The following TBC1D22A variants were observed in gnomAD, a reference collection of about 807,000 sequenced individuals.
TBC1D22A encodes the protein TBC1 domain family member 22A, also known as putative GTPase activator.
A neutral mutation model predicts 60.2 loss-of-function variants in TBC1D22A; 38 were observed. That is an observed-to-expected ratio of 0.63 (90% CI 0.49 to 0.83). The LOEUF is 0.83. TBC1D22A is among the 40% of genes least tolerant of loss of function. TBC1D22A has a pLI of 0.00. For missense variants in TBC1D22A, 628 were observed against 701.0 expected (o/e 0.90, Z 1.18); for synonymous variants, 302 against 281.7 (o/e 1.07, Z -0.72).
At chr22:46,897,650 G>GTTTTTTTTT (rs1569189591) in intron 7 of TBC1D22A, among the ~76,000 whole-genome samples, 16 of 92,610 alleles carry the variant, frequency 1.7e-4, no homozygotes, top group African/African-American at 7.0e-4. Flanking sequence ...GTTTTTTTTT[G>GTTTTTTTTT]TGTTTTTTTT....
chr22:46,904,131 CTATCTAT>C, intron 7 of TBC1D22A, among the ~76,000 whole-genome samples: 2 of 108,406 alleles, frequency 1.8e-5, no homozygotes, highest in Non-Finnish European at 3.7e-5. Context: ...ATCTATCTAT[CTATCTAT>C]CTATCTACCT....
Position 47,009,389 on chromosome 22 carries a change from A to ACCATCATTT in TBC1D22A, c.1201+11688_1201+11696dup. Among the ~76,000 whole-genome samples, 1 of 150,688 alleles carries ACCATCATTT rather than the reference A, an allele frequency of 6.6e-6. No homozygotes were observed. The highest frequency in any genetic ancestry group is 2.1e-4 in the South Asian group (1 of 4,718). ...TCACCATCATCATTTCATCACCATC[A>ACCATCATTT]CCATCATTTCCATCATCACCATCAT... On this transcript the variant is annotated intron_variant, in intron 10 of 12. Coordinates refer to ENST00000337137, the MANE Select transcript of TBC1D22A (RefSeq NM_014346.5). This position sits in a 1 kb window ranked among gnomAD's most constrained non-coding sequence, Gnocchi z 5.8.
At chr22:46,939,839 C>A (rs2071878635) in intron 8 of TBC1D22A, among the ~76,000 whole-genome samples, 1 of 152,156 alleles carries the variant, frequency 6.6e-6, no homozygotes, top group Non-Finnish European at 1.5e-5. Flanking sequence ...AAGAAGAACC[C>A]AAAGCAGTGA....
At chr22:46,984,543 A>G (rs375669531) in intron 9 of TBC1D22A, among the ~76,000 whole-genome samples, 1 of 152,088 alleles carries the variant, frequency 6.6e-6, no homozygotes, top group African/African-American at 2.4e-5. Flanking sequence ...TACAGCTTCC[A>G]TATTTGCCTA....
chr22:46,907,990 C>T (rs531344089), intron 7 of TBC1D22A, among the ~76,000 whole-genome samples: 12 of 152,328 alleles, frequency 7.9e-5, no homozygotes, highest in African/African-American at 2.9e-4. Flanking sequence ...AGAGAGCACC[C>T]ATTGCCGGCG....
At chr22:47,156,291 G>T (rs1051392259) in intron 12 of TBC1D22A, among the ~76,000 whole-genome samples, 7 of 152,204 alleles carry the variant, frequency 4.6e-5, no homozygotes, top group African/African-American at 1.7e-4. Context: ...CTAAGTTTCA[G>T]GGCCAAGTAG....
intron 9 of TBC1D22A, among the ~76,000 whole-genome samples, chr22:46,984,510 C>T (rs879068787): frequency 6.7e-6 from 1 of 148,950 alleles, no homozygotes; most frequent in Admixed American, 6.8e-5. Flanking sequence ...CCAAGGTTGT[C>T]GGTTCGCTAT....
chr22:47,106,418 T>C (rs976566539), intron 11 of TBC1D22A, among the ~76,000 whole-genome samples: 1 of 152,206 alleles, frequency 6.6e-6, no homozygotes, highest in African/African-American at 2.4e-5. Context: ...GAAAGTTAGA[T>C]TGCTTATGAA....
At chr22:47,066,058 A>T (rs2063763813) in intron 11 of TBC1D22A, among the ~76,000 whole-genome samples, 1 of 152,328 alleles carries the variant, frequency 6.6e-6, no homozygotes, top group Non-Finnish European at 1.5e-5. Flanking sequence ...GGAAAGAAAC[A>T]CATTTATCGA....
chr22:46,892,060 G>C (rs936504197), intron 6 of TBC1D22A, among the ~76,000 whole-genome samples: 1 of 152,190 alleles, frequency 6.6e-6, no homozygotes, highest in Non-Finnish European at 1.5e-5. Flanking sequence ...TTTGCTGTTA[G>C]AATAGCTCTT....
chr22:47,115,676 C>T (rs752114759), intron 12 of TBC1D22A, among the ~76,000 whole-genome samples: 1 of 152,198 alleles, frequency 6.6e-6, no homozygotes, highest in Non-Finnish European at 1.5e-5. Flanking sequence ...CCGCTGTCCC[C>T]TCTGTTAGGA....
At chr22:46,947,381 A>G (rs979101628) in intron 8 of TBC1D22A, among the ~76,000 whole-genome samples, 2 of 152,164 alleles carry the variant, frequency 1.3e-5, no homozygotes, top group Non-Finnish European at 2.9e-5. Context: ...CCCAGGCCAC[A>G]TGGGGCTCAG....
intron 7 of TBC1D22A, among the ~76,000 whole-genome samples, chr22:46,901,710 G>A (rs1181449844): frequency 7.7e-5 from 1 of 12,988 alleles, no homozygotes; most frequent in Non-Finnish European, 1.8e-4. Context: ...AACTCACATG[G>A]GGGGGGGATG....
intron 11 of TBC1D22A, among the ~76,000 whole-genome samples, chr22:47,098,524 C>G (rs2065275866): frequency 6.6e-6 from 1 of 152,226 alleles, no homozygotes; most frequent in African/African-American, 2.4e-5. Context: ...CCCCATGCAC[C>G]AGGCTGCCCT....
chr22:47,058,216 T>C lies in TBC1D22A; in HGVS notation c.1329+21018T>C, dbSNP rs2063460255. Among the ~76,000 whole-genome samples, 3 of 152,288 alleles carry C rather than the reference T, an allele frequency of 2.0e-5. No homozygotes were observed. The South Asian group carries it at 6.2e-4, about 32-fold the overall frequency. On this transcript the variant is annotated intron_variant, in intron 11 of 12. Coordinates refer to ENST00000337137, the MANE Select transcript of TBC1D22A (RefSeq NM_014346.5). ...TGGAGCTCCCTGCCCTTAGTGGGTCTTTGTGTCTCAAAGGTGGCTCTGAGG... is the reference window on the plus strand; with the variant it reads ...TGGAGCTCCCTGCCCTTAGTGGGTCCTTGTGTCTCAAAGGTGGCTCTGAGG...
At chr22:46,986,194 T>C (rs1180784460) in intron 9 of TBC1D22A, among the ~76,000 whole-genome samples, 1 of 152,222 alleles carries the variant, frequency 6.6e-6, no homozygotes, top group Non-Finnish European at 1.5e-5. Flanking sequence ...TGCTGAAAAT[T>C]AGATGATTGT....
chr22:47,123,582 T>C (rs750285934), intron 12 of TBC1D22A, among the ~76,000 whole-genome samples: 9 of 152,220 alleles, frequency 5.9e-5, no homozygotes, highest in Non-Finnish European at 1.0e-4. Flanking sequence ...CAGTGGGCCA[T>C]GTCTCTGTCA....
At chr22:47,117,789 A>C (rs73477496) in intron 12 of TBC1D22A, among the ~76,000 whole-genome samples, 5,676 of 152,280 alleles carry the variant, frequency 0.037, 351 homozygotes, top group African/African-American at 0.13. Context: ...TCAGTGAAGC[A>C]ACCATAGGAG....
intron 1 of TBC1D22A, among the ~76,000 whole-genome samples, chr22:46,783,372 C>A (rs1297575686): frequency 6.6e-6 from 1 of 152,228 alleles, no homozygotes; most frequent in Non-Finnish European, 1.5e-5. Flanking sequence ...CTCACCTTCA[C>A]AGAGCCAGAG....
Sources: allele counts gnomAD v4.1 joint callset (sites outside exome capture counted in the v4.1 genomes callset), GRCh38; gene constraint gnomAD v4.1.1; non-coding constraint Gnocchi (gnomAD v3.1); transcripts MANE v1.5; gene names NCBI Gene and HGNC (gene_info 2026-07-23, HGNC 2026-07-21).